The following TPRG1 variants were observed in gnomAD, a reference collection of about 807,000 sequenced individuals.
The protein encoded by TPRG1 is tumor protein p63 regulated 1, also known as tumor protein p63-regulated gene 1 protein.
TPRG1 carries 29 observed loss-of-function variants against 29.3 expected under a neutral mutation model. That is an observed-to-expected ratio of 0.99 (90% CI 0.74 to 1.35). The LOEUF is 1.35. Among genes scored for constraint, TPRG1 ranks in the 40% most tolerant of loss-of-function variants. The pLI, the probability that TPRG1 is intolerant of heterozygous loss-of-function variation, is 0.00. For missense variants in TPRG1, 327 were observed against 335.0 expected, an observed-to-expected ratio of 0.98 and a Z score of 0.19; for synonymous variants, 130 against 116.8, an observed-to-expected ratio of 1.11 and a Z score of -0.73.
intron 1 of TPRG1, among the ~76,000 whole-genome samples, chr3:189,119,752 G>T (rs1367160994): frequency 6.6e-6 from 1 of 152,170 alleles, no homozygotes; most frequent in Admixed American, 6.5e-5. Context: ...TGCCATGGTC[G>T]TAAGTTTCCT....
intron 5 of TPRG1, among the ~76,000 whole-genome samples, chr3:189,159,350 A>G (rs1414834068): frequency 6.6e-6 from 1 of 152,140 alleles, no homozygotes; most frequent in Non-Finnish European, 1.5e-5. Flanking sequence ...TACCAAGTGG[A>G]GGTGGCATTT....
intron 3 of TPRG1, among the ~76,000 whole-genome samples, chr3:189,014,937 T>C (rs1418215164): frequency 1.3e-5 from 2 of 152,168 alleles, no homozygotes; most frequent in Non-Finnish European, 2.9e-5. Context: ...GGCACTGTTA[T>C]AAAGATACTT....
intron 4 of TPRG1, among the ~76,000 whole-genome samples, chr3:189,284,619 G>C (rs1425174934): frequency 6.6e-6 from 1 of 151,968 alleles, no homozygotes; most frequent in East Asian, 1.9e-4. Context: ...GGACATTTGG[G>C]TTGGTTCCAA....
At chr3:189,140,059 G>C (rs926374016) in intron 3 of TPRG1, among the ~76,000 whole-genome samples, 8 of 152,156 alleles carry the variant, frequency 5.3e-5, no homozygotes, top group African/African-American at 1.7e-4. Flanking sequence ...CACACACACA[G>C]AGACACACAA....
At chr3:189,247,157 T>G (rs1242625276) in intron 4 of TPRG1, among the ~76,000 whole-genome samples, 1 of 152,090 alleles carries the variant, frequency 6.6e-6, no homozygotes, top group Non-Finnish European at 1.5e-5. Flanking sequence ...TTTACCATTC[T>G]TTTCTGTGAC....
At chr3:189,302,602 A>G (rs1386965197) in intron 4 of TPRG1, among the ~76,000 whole-genome samples, 1 of 152,208 alleles carries the variant, frequency 6.6e-6, no homozygotes, top group Non-Finnish European at 1.5e-5. Context: ...TCCTAGGATG[A>G]CATTTGTTTC....
At chr3:189,133,443 T>C (rs1210785082) in intron 3 of TPRG1, among the ~76,000 whole-genome samples, 6 of 152,156 alleles carry the variant, frequency 3.9e-5, no homozygotes, top group Non-Finnish European at 8.8e-5. Flanking sequence ...CATCTTGAAT[T>C]GTAATCCCCT....
chr3:189,043,121 G>A (rs1428070392), intron 4 of TPRG1, among the ~76,000 whole-genome samples: 3 of 152,106 alleles, frequency 2.0e-5, no homozygotes, highest in Admixed American at 1.3e-4. Context: ...ACAATTAAAT[G>A]GGCCCTGTTC....
chr3:189,210,651 G>A (rs1735120886), intron 2 of TPRG1, among the ~76,000 whole-genome samples: 1 of 152,132 alleles, frequency 6.6e-6, no homozygotes, highest in Non-Finnish European at 1.5e-5. Context: ...TCTCTGTCCT[G>A]AGACCACATT....
intron 3 of TPRG1, among the ~76,000 whole-genome samples, chr3:189,023,475 C>T (rs1282913057): frequency 1.3e-5 from 2 of 152,204 alleles, no homozygotes; most frequent in South Asian, 4.1e-4. Context: ...TTGTTTTTAT[C>T]CATATTCTGA....
At chr3:189,029,860 G>A (rs1713845140) in intron 4 of TPRG1, among the ~76,000 whole-genome samples, 1 of 152,176 alleles carries the variant, frequency 6.6e-6, no homozygotes, top group Non-Finnish European at 1.5e-5. Flanking sequence ...CTCTGATCAT[G>A]TGATACGCTG....
chr3:189,251,219 G>A (rs1043233482), intron 4 of TPRG1, among the ~76,000 whole-genome samples: 65 of 152,126 alleles, frequency 4.3e-4, no homozygotes, highest in Admixed American at 4.3e-3. Flanking sequence ...GAACTTAGCA[G>A]ACAAGTGCCA....
intron 3 of TPRG1, among the ~76,000 whole-genome samples, chr3:189,229,784 G>T (rs1183795850): frequency 6.6e-6 from 1 of 152,190 alleles, no homozygotes; most frequent in Non-Finnish European, 1.5e-5. Flanking sequence ...TTAGATTTCT[G>T]TGGGATTCCT....
intron 4 of TPRG1, among the ~76,000 whole-genome samples, chr3:189,244,233 C>T (rs1741048670): frequency 6.6e-6 from 1 of 152,146 alleles, no homozygotes; most frequent in Admixed American, 6.5e-5. Context: ...AGTTCGAGAC[C>T]ACCCTAGCCA....
At chr3:189,100,415 A>T (rs551180536) in intron 1 of TPRG1, among the ~76,000 whole-genome samples, 110 of 152,286 alleles carry the variant, frequency 7.2e-4, no homozygotes, top group Admixed American at 2.0e-3. Context: ...CTCCTCCAAG[A>T]ATCCTTGCCA....
At position 189,101,595 on chromosome 3, in the gene TPRG1, A is replaced by G. The variant is rs574484769; in HGVS notation, c.-744+1391A>G. On this transcript the variant is annotated intron_variant, in intron 1 of 6. Transcript: ENST00000412373. ...GCCCTACCATCATTCTGGATGGTCA[A>G]TATTCGGGACCATCCAATTCCTTGA... Among the ~76,000 whole-genome samples, 8 of 152,094 alleles carry G rather than the reference A, an allele frequency of 5.3e-5. No individual in the cohort carries two copies. The East Asian group carries it at 1.4e-3, about 26-fold the overall frequency.
chr3:189,293,454 A>T (rs1321312585), intron 4 of TPRG1, among the ~76,000 whole-genome samples: 2 of 152,144 alleles, frequency 1.3e-5, no homozygotes, highest in Non-Finnish European at 2.9e-5. Context: ...CAGAGGGAAG[A>T]TGGGGAAAGG....
intron 4 of TPRG1, among the ~76,000 whole-genome samples, chr3:189,147,974 C>A (rs951127406): frequency 6.6e-6 from 1 of 152,196 alleles, no homozygotes; most frequent in Non-Finnish European, 1.5e-5. Context: ...ACACAAACAG[C>A]ATAATCCTTT....
intron 1 of TPRG1, among the ~76,000 whole-genome samples, chr3:189,114,483 A>G (rs1291063670): frequency 6.6e-6 from 1 of 152,128 alleles, no homozygotes; most frequent in East Asian, 1.9e-4. Context: ...GGGTTTCACC[A>G]TGTTGCCCAG....
Sources: gnomAD v4.1 joint callset for allele counts (sites outside exome capture counted in the v4.1 genomes callset) on GRCh38, gnomAD v4.1.1 for gene constraint, MANE v1.5 for transcripts, NCBI Gene and HGNC (gene_info 2026-07-23, HGNC 2026-07-21) for gene names.